The following BTD variants were observed in gnomAD, a reference collection of about 807,000 sequenced individuals.
The protein encoded by BTD is biotinidase.
BTD carries 13 observed loss-of-function variants against 17.7 expected under a neutral mutation model. That is an observed-to-expected ratio of 0.74 (90% CI 0.48 to 1.17). BTD has a LOEUF of 1.17. Ranked by LOEUF, BTD falls within the 50% of genes most tolerant of loss-of-function variation. The probability of loss-of-function intolerance (pLI) is 0.00; values close to 1 mark genes in which losing one functional copy is unlikely to be tolerated. For missense variants in BTD, 674 were observed against 650.4 expected (o/e 1.04, Z -0.39); for synonymous variants, 240 against 245.2 (o/e 0.98, Z 0.20).
chr3:15,608,131 C>A (rs550284981), intron 1 of BTD, among the ~76,000 whole-genome samples: 2 of 152,220 alleles, frequency 1.3e-5, no homozygotes, highest in African/African-American at 4.8e-5. Flanking sequence ...CCCAGGTACC[C>A]TGTGACCTAG....
chr3:15,642,300 A>T, intron 3 of BTD: 3 of 1,408,886 alleles, frequency 2.1e-6, no homozygotes, highest in Non-Finnish European at 2.8e-6. Flanking sequence ...ACAGGAATGT[A>T]TACTTAAACC....
At chr3:15,613,648 G>C (rs1386564300) in intron 1 of BTD, among the ~76,000 whole-genome samples, 2 of 151,870 alleles carry the variant, frequency 1.3e-5, no homozygotes, top group African/African-American at 4.8e-5. Context: ...ACTCGTGGCA[G>C]AATGTTTTGT....
intron 3 of BTD, among the ~76,000 whole-genome samples, chr3:15,701,590 G>A (rs1281468117): frequency 6.6e-6 from 1 of 152,068 alleles, no homozygotes; most frequent in Admixed American, 6.6e-5. Flanking sequence ...GTTGCAGTAA[G>A]CTGAGATTGC....
rs2065705587 is a variant in BTD at position 15,646,847 on chromosome 3, T to C, written c.*1359T>C. On this transcript the variant is annotated 3_prime_UTR_variant, in exon 4 of 4. Coordinates refer to ENST00000643237, the MANE Select transcript of BTD (RefSeq NM_001370658.1). ...CCACGGTGTAGGCCTCCAGATCCTT[T>C]TCTGGCTTTTAGGCAGGACAATTAA... 1 of 152,196 alleles carries C rather than the reference T, an allele frequency of 6.6e-6. No individual in the cohort carries two copies. The highest frequency in any genetic ancestry group is 1.5e-5 in the Non-Finnish European group (1 of 68,030). The allele number at this position is 152,196 out of a possible 1,614,324, so 9.4% of individuals were successfully genotyped here.
At chr3:15,696,277 C>A (rs2069536615) in intron 3 of BTD, 1 of 1,381,716 alleles carries the variant, frequency 7.2e-7, no homozygotes, top group Non-Finnish European at 1.0e-6. Context: ...TACTGAAAAT[C>A]CTAAATCCTG....
chr3:15,656,699 C>T (rs2065874805), downstream of BTD, among the ~76,000 whole-genome samples: 1 of 152,142 alleles, frequency 6.6e-6, no homozygotes, highest in African/African-American at 2.4e-5. Context: ...TGAATCCTCT[C>T]CCTCCGGGCT....
rs1559604326 is a variant in BTD, at chr3:15,649,966, A to AACTGACAGAGAGATATTAATGAATTGCC, written c.*4479_*4506dup. 6.6e-6 allele frequency among the ~76,000 whole-genome samples: 1 copy of AACTGACAGAGAGATATTAATGAATTGCC among 152,212 alleles called. No individual in the cohort carries two copies. Among genetic ancestry groups the AACTGACAGAGAGATATTAATGAATTGCC allele is most frequent in the Non-Finnish European group, 1.5e-5 (1 of 68,028 alleles). Reference sequence around the variant, plus strand: ...CTACAGCTATTTTACAGATGGGGAAAACTGACAGAGAGATATTAATGAATT... The same window carrying AACTGACAGAGAGATATTAATGAATTGCC: ...CTACAGCTATTTTACAGATGGGGAAAACTGACAGAGAGATATTAATGAATTGCCACTGACAGAGAGATATTAATGAATT... On this transcript the variant is annotated 3_prime_UTR_variant, in exon 4 of 4. Transcript: ENST00000643237.
rs549105666 is a variant in BTD at position 15,602,935 on chromosome 3, G to A, written c.-17+1041G>A. Among the ~76,000 whole-genome samples the A allele has an allele frequency of 9.2e-5, 14 of 152,240 alleles. No homozygotes were observed. The South Asian group carries it at 2.3e-3, about 25-fold the overall frequency. On this transcript the variant is annotated intron_variant, in intron 1 of 3. Coordinates refer to ENST00000643237, the MANE Select transcript of BTD (RefSeq NM_001370658.1). The stretch of plus-strand genomic sequence containing the variant: ...TGGTCTCACAGTTCCAAATGGCTAC[G>A]GAGGCCTCACAATCATGGCAGAAGG...
intron 2 of BTD, among the ~76,000 whole-genome samples, chr3:15,641,266 C>G (rs949050009): frequency 6.6e-6 from 1 of 152,176 alleles, no homozygotes; most frequent in African/African-American, 2.4e-5. Context: ...CAAGCGAGTT[C>G]TTGTTTCCAG....
chr3:15,649,446 C>T lies in BTD; in HGVS notation c.*3958C>T, dbSNP rs1170420627. Among the ~76,000 whole-genome samples, 1 of 152,244 alleles carries T rather than the reference C, an allele frequency of 6.6e-6. No homozygotes were observed. The highest frequency in any genetic ancestry group is 1.5e-5 in the Non-Finnish European group (1 of 68,044). Reference sequence around the variant, plus strand: ...GAGGTGAACCTCATTGGGTACCATCCTGCAGGTGGGCTGCCACTCTGCTCA... The same window carrying T: ...GAGGTGAACCTCATTGGGTACCATCTTGCAGGTGGGCTGCCACTCTGCTCA... On this transcript the variant is annotated 3_prime_UTR_variant, in exon 4 of 4. Transcript: ENST00000643237.
chr3:15,605,935 C>T (rs781222193), intron 1 of BTD, among the ~76,000 whole-genome samples: 9 of 147,046 alleles, frequency 6.1e-5, no homozygotes, highest in Non-Finnish European at 1.2e-4. Context: ...CCCAGCTATT[C>T]GGGAGACTGA....
At chr3:15,690,269 C>A in intron 3 of BTD, 1 of 1,410,522 alleles carries the variant, frequency 7.1e-7, no homozygotes, top group Admixed American at 2.3e-5. Flanking sequence ...TTTAGACTGA[C>A]TTCCTAAATA....
chr3:15,644,877 C>T lies in BTD; in HGVS notation c.961C>T (p.Pro321Ser), dbSNP rs1307539855. The T allele has an allele frequency of 1.2e-6, 2 of 1,614,160 alleles. No homozygotes were observed. The highest frequency in any genetic ancestry group is 1.7e-5 in the Admixed American group (1 of 60,026). ...HLIIAQVAKNPVGLIGAENAT... is the reference protein window; with the variant it reads ...HLIIAQVAKNSVGLIGAENAT... ...TATAATTGCCCAGGTGGCCAAAAAT[C>T]CAGTGGGTCTCATTGGTGCAGAGAA... The change falls in exon 4 of 4, where the codon CCA becomes TCA. Residue 321 changes from proline (P) to serine (S), a missense_variant. Pro to Ser is a moderately conservative substitution (Grantham distance 74). Transcript: ENST00000643237.
At chr3:15,604,396 A>G (rs1304658257) in intron 1 of BTD, among the ~76,000 whole-genome samples, 5 of 152,232 alleles carry the variant, frequency 3.3e-5, no homozygotes, top group Admixed American at 2.6e-4. Flanking sequence ...GGGATGCAGG[A>G]CACCAAGTCC....
chr3:15,718,897 G>A (rs866455579), intron 4 of BTD, among the ~76,000 whole-genome samples: 1 of 151,946 alleles, frequency 6.6e-6, no homozygotes, highest in Non-Finnish European at 1.5e-5. Context: ...ACATTACTGC[G>A]CCTTTGAGGA....
intron 3 of BTD, among the ~76,000 whole-genome samples, chr3:15,708,788 T>C (rs1282036109): frequency 6.6e-6 from 1 of 152,214 alleles, no homozygotes; most frequent in Non-Finnish European, 1.5e-5. Flanking sequence ...TTTTCTTCTA[T>C]TCATTTCTGA....
intron 1 of BTD, among the ~76,000 whole-genome samples, chr3:15,602,827 T>C (rs373243002): frequency 6.6e-6 from 1 of 152,104 alleles, no homozygotes; most frequent in East Asian, 1.9e-4. Context: ...CCTCCCTGCA[T>C]ATGTGGACGG....
chr3:15,679,848 G>GA (rs140178270), intron 3 of BTD, among the ~76,000 whole-genome samples: 13 of 144,198 alleles, frequency 9.0e-5, no homozygotes, highest in East Asian at 6.0e-4. Flanking sequence ...ATATTTGGGG[G>GA]AAAAAAAAAA....
At chr3:15,688,410 C>T (rs2068397985) in intron 3 of BTD, among the ~76,000 whole-genome samples, 1 of 152,152 alleles carries the variant, frequency 6.6e-6, no homozygotes, top group Non-Finnish European at 1.5e-5. Flanking sequence ...AGGCATGCGC[C>T]ACCAAGTTTG....
Sources: allele counts gnomAD v4.1 joint callset (sites outside exome capture counted in the v4.1 genomes callset), GRCh38; gene constraint gnomAD v4.1.1; transcripts MANE v1.5; gene names NCBI Gene and HGNC (gene_info 2026-07-23, HGNC 2026-07-21).